The following CPB2 variants were observed in gnomAD, a reference collection of about 807,000 sequenced individuals.
CPB2 encodes carboxypeptidase B-like protein.
A neutral mutation model predicts 57.0 loss-of-function variants in CPB2; 54 were observed. That is an observed-to-expected ratio of 0.95 (90% CI 0.76 to 1.19). CPB2 has a LOEUF of 1.19. Among genes scored for constraint, CPB2 ranks in the 50% most tolerant of loss-of-function variants. The probability of loss-of-function intolerance (pLI) is 0.00; values close to 1 mark genes in which losing one functional copy is unlikely to be tolerated. For synonymous variants in CPB2, 189 were observed against 178.1 expected (o/e 1.06, Z -0.49); for missense variants, 426 against 512.0 (o/e 0.83, Z 1.62).
In CPB2 at chr13:46,101,078, A is replaced by G. The variant is rs1368714432; in HGVS notation, c.74+3858T>C. ...ATAACAAACTGCAACCTAACTTAGG[A>G]GTATTTTTTTTTTGTACTAACGAGG... On this transcript the variant is annotated intron_variant, in intron 1 of 10. Transcript: ENST00000181383. The G allele has an allele frequency of 7.9e-5, 12 of 152,252 alleles. No individual in the cohort carries two copies. In the South Asian group the frequency reaches 2.3e-3, roughly 29 times the overall value. 9.4% of individuals were successfully genotyped at this position (152,252 alleles called of 1,614,324 possible).
intron 8 of CPB2, among the ~76,000 whole-genome samples, chr13:46,060,184 C>A (rs1593882641): frequency 1.3e-5 from 2 of 152,186 alleles, no homozygotes; most frequent in East Asian, 3.9e-4. Flanking sequence ...AAAAGAAGGC[C>A]AGGCACGGTG....
At position 46,066,955 on chromosome 13, in the gene CPB2, C is replaced by T. The variant is rs942940987; in HGVS notation, c.702+352G>A. Among the ~76,000 whole-genome samples the T allele has an allele frequency of 1.4e-4, 21 of 148,380 alleles. No individual in the cohort carries two copies. In the South Asian group the frequency reaches 2.8e-3, roughly 20 times the overall value. ...ATAATTATACTATAATTATTTTTTT[C>T]AGAGTTCTTTTTTTTTTAGAAATGC... On this transcript the variant is annotated intron_variant, in intron 7 of 10. Coordinates refer to ENST00000181383, the MANE Select transcript of CPB2 (RefSeq NM_001872.5).
At chr13:46,064,230 A>C (rs2044818940) in intron 8 of CPB2, among the ~76,000 whole-genome samples, 1 of 152,162 alleles carries the variant, frequency 6.6e-6, no homozygotes, top group Admixed American at 6.5e-5. Context: ...ACTGCACTCC[A>C]GCCTGGTCAA....
At chr13:46,074,117 T>C (rs1481082247) in intron 5 of CPB2, 140 bp from the exon 6 acceptor site, 1 of 496,388 alleles carries the variant, frequency 2.0e-6, no homozygotes, top group African/African-American at 1.9e-5. Flanking sequence ...TTGAAAATTC[T>C]CAAGGGAAAT....
In CPB2 at chr13:46,064,647, C is replaced by T; in HGVS notation, c.796+1G>A. 1 of 1,613,146 alleles carries T rather than the reference C, an allele frequency of 6.2e-7. No homozygotes were observed. Among genetic ancestry groups the T allele is most frequent in the Non-Finnish European group, 8.5e-7 (1 of 1,179,066 alleles). Reference sequence around the variant, plus strand: ...TGCAAGAAATAAAGCCAACAACCTACCACACCAGTGTTTGGAAGCAAAGTT... The same window carrying T: ...TGCAAGAAATAAAGCCAACAACCTATCACACCAGTGTTTGGAAGCAAAGTT... On this transcript the variant is annotated splice_donor_variant, in intron 8 of 10. Coordinates refer to ENST00000181383, the MANE Select transcript of CPB2 (RefSeq NM_001872.5). LOFTEE classifies it high-confidence loss of function.
intron 6 of CPB2, among the ~76,000 whole-genome samples, chr13:46,073,063 A>G (rs2139374394): frequency 6.6e-6 from 1 of 152,304 alleles, no homozygotes; most frequent in South Asian, 2.1e-4. Context: ...TGCATTTGTC[A>G]AGGTCAAGCA....
intron 1 of CPB2, among the ~76,000 whole-genome samples, chr13:46,092,828 C>T (rs2045312559): frequency 6.6e-6 from 1 of 152,072 alleles, no homozygotes; most frequent in African/African-American, 2.4e-5. Context: ...TGGACTTTAT[C>T]TTGTAGGCAA....
intron 4 of CPB2, among the ~76,000 whole-genome samples, chr13:46,079,385 A>C (rs2045071964): frequency 6.6e-6 from 1 of 152,174 alleles, no homozygotes; most frequent in Admixed American, 6.5e-5. Context: ...AGATTGGCAC[A>C]ATGATGAGAG....
At chr13:46,074,500 C>A (rs1288919045) in intron 5 of CPB2, among the ~76,000 whole-genome samples, 2 of 152,164 alleles carry the variant, frequency 1.3e-5, no homozygotes, top group African/African-American at 4.8e-5. Flanking sequence ...AACTTACCAG[C>A]AAATCCAGGG....
intron 1 of CPB2, among the ~76,000 whole-genome samples, chr13:46,096,019 T>C (rs1382756171): frequency 6.6e-6 from 1 of 151,728 alleles, no homozygotes; most frequent in African/African-American, 2.4e-5. Flanking sequence ...TAACTGGGAT[T>C]ACAGGCACGC....
intron 4 of CPB2, among the ~76,000 whole-genome samples, chr13:46,080,308 G>A (rs2045092914): frequency 6.6e-6 from 1 of 152,168 alleles, no homozygotes; most frequent in African/African-American, 2.4e-5. Flanking sequence ...TGTAGGTAGG[G>A]CTGATCAAGA....
In CPB2 at chr13:46,104,527, C is replaced by A. The variant is rs139587334; in HGVS notation, c.74+409G>T. On this transcript the variant is annotated intron_variant, in intron 1 of 10. Coordinates refer to ENST00000181383, the MANE Select transcript of CPB2 (RefSeq NM_001872.5). ...TCCAAACCTCCTATTTAACACTTCA[C>A]CCTCTTCTTCCTCCTATGTTCCATG... Among the ~76,000 whole-genome samples, 655 of 152,312 alleles carry A rather than the reference C, an allele frequency of 4.3e-3. 4 individuals are homozygous for A. The highest frequency in any genetic ancestry group is 0.015 in the African/African-American group (631 of 41,558).
At chr13:46,065,519 C>G (rs1232345850) in intron 7 of CPB2, among the ~76,000 whole-genome samples, 2 of 148,812 alleles carry the variant, frequency 1.3e-5, no homozygotes, top group African/African-American at 2.5e-5. Context: ...CCCAGCTACT[C>G]GGGAGGCTGA....
chr13:46,064,202 G>A (rs2044818237), intron 8 of CPB2, among the ~76,000 whole-genome samples: 1 of 152,208 alleles, frequency 6.6e-6, no homozygotes. Context: ...AGAGGCTGCA[G>A]TGAGCCAAGA....
At position 46,082,559 on chromosome 13, in the gene CPB2, G is replaced by A. The variant is rs1179799076; in HGVS notation, c.276-10C>T. ...ATCTGCCAGCAAGACACTAGGTGATGAAACAGAGAGTGAGCTAGTTTCCAA... is the reference window on the plus strand; with the variant it reads ...ATCTGCCAGCAAGACACTAGGTGATAAAACAGAGAGTGAGCTAGTTTCCAA... On this transcript the variant is annotated splice_polypyrimidine_tract_variant and intron_variant, in intron 3 of 10. Transcript: ENST00000181383. The A allele has an allele frequency of 6.4e-7, 1 of 1,567,464 alleles. No homozygotes were observed. The highest frequency in any genetic ancestry group is 8.8e-7 in the Non-Finnish European group (1 of 1,137,956).
Position 46,064,734 on chromosome 13 carries a change from A to G in CPB2, c.710T>C (p.Met237Thr). The G allele has an allele frequency of 3.7e-6, 6 of 1,613,770 alleles. No homozygotes were observed. The highest frequency in any genetic ancestry group is 5.1e-6 in the Non-Finnish European group (6 of 1,179,694). The change falls in exon 8 of 11, where the codon ATG becomes ACG. Residue 237 changes from methionine to threonine, a missense_variant. Transcript: ENST00000181383. ...GYDYSWKKNR[M>T]WRKNRSFYAN... ...ATAGAAAGAACGGTTCTTTCTCCAC[A>G]TTCGATTCTACATAAACAAAATACA...
At chr13:46,067,273 G>T in intron 7 of CPB2, 34 bp downstream of exon 7, 2 of 1,074,382 alleles carry the variant, frequency 1.9e-6, no homozygotes, top group Non-Finnish European at 2.9e-6. Flanking sequence ...TCCCCAAGGA[G>T]AACATGATTT....
intron 9 of CPB2, among the ~76,000 whole-genome samples, chr13:46,057,257 GT>G (rs966248724): frequency 2.0e-5 from 3 of 151,998 alleles, no homozygotes; most frequent in Admixed American, 2.0e-4. Context: ...TTCCTTAACA[GT>G]TTTCCCTTGA....
At chr13:46,096,752 C>T (rs956117854) in intron 1 of CPB2, among the ~76,000 whole-genome samples, 6 of 152,106 alleles carry the variant, frequency 3.9e-5, no homozygotes, top group African/African-American at 1.4e-4. Flanking sequence ...GCACTCTAGC[C>T]TGGGCGACAG....
Sources: allele counts gnomAD v4.1 joint callset (sites outside exome capture counted in the v4.1 genomes callset), GRCh38; gene constraint gnomAD v4.1.1; transcripts MANE v1.5; gene names NCBI Gene and HGNC (gene_info 2026-07-23, HGNC 2026-07-21).